Variants in COL25A1 observed in about 807,000 individuals in gnomAD.
The protein encoded by COL25A1 is collagen alpha-1(XXV) chain.
In COL25A1, 103 loss-of-function variants were observed where a neutral mutation model predicts 128.4. That is an observed-to-expected ratio of 0.80 (90% CI 0.68 to 0.94). COL25A1 has a LOEUF of 0.94. Ranked by LOEUF, COL25A1 falls within the 40% of genes least tolerant of loss-of-function variation. The pLI is 0.00. For missense variants in COL25A1, 745 were observed against 840.0 expected (o/e 0.89, Z 1.40); for synonymous variants, 279 against 277.2 (o/e 1.01, Z -0.06).
intron 8 of COL25A1, among the ~76,000 whole-genome samples, chr4:108,969,890 C>A (rs58787897): frequency 0.28 from 40,296 of 141,728 alleles, 6,813 homozygotes; most frequent in South Asian, 0.46. Flanking sequence ...GATGCTACCA[C>A]CAAATATATA....
At position 109,208,990 on chromosome 4, in the gene COL25A1, T is replaced by C. The variant is rs150983263; in HGVS notation, c.367+91593A>G. Among the ~76,000 whole-genome samples the C allele has an allele frequency of 1.7e-3, 254 of 152,346 alleles. 3 individuals are homozygous for C. The highest frequency in any genetic ancestry group is 5.6e-3 in the African/African-American group (234 of 41,582). On this transcript the variant is annotated intron_variant, in intron 3 of 37. Coordinates refer to ENST00000399132, the MANE Select transcript of COL25A1 (RefSeq NM_198721.4). ...GTAGATAATTGAATGAAATGTTTTA[T>C]TATTGTGCTTTTCATTATATTCACT...
chr4:108,990,858 C>T (rs914570888), intron 6 of COL25A1, among the ~76,000 whole-genome samples: 1 of 152,178 alleles, frequency 6.6e-6, no homozygotes, highest in Non-Finnish European at 1.5e-5. Context: ...AGTCATACAG[C>T]TCATAAGTGG....
chr4:109,052,122 A>T (rs1393344086), intron 3 of COL25A1, among the ~76,000 whole-genome samples: 1 of 152,220 alleles, frequency 6.6e-6, no homozygotes, highest in Non-Finnish European at 1.5e-5. Context: ...GTCTTTCAAC[A>T]GTGGATTTCA....
chr4:109,083,655 G>T lies in COL25A1; in HGVS notation c.368-33476C>A, dbSNP rs575807076. On this transcript the variant is annotated intron_variant, in intron 3 of 37. Coordinates refer to ENST00000399132, the MANE Select transcript of COL25A1 (RefSeq NM_198721.4). ...TTTTTTGTATTTTTAGTAGAGACGG[G>T]GTTTCACTATGTTAGCCAGGCTGGT... Among the ~76,000 whole-genome samples, 374 of 151,582 alleles carry T rather than the reference G, an allele frequency of 2.5e-3. 2 individuals carry two copies. The highest frequency in any genetic ancestry group is 3.8e-3 in the Admixed American group (58 of 15,236).
In COL25A1 at chr4:109,269,399, GC is replaced by G. The variant is rs548443298; in HGVS notation, c.367+31183del. Among the ~76,000 whole-genome samples, 14 of 146,042 alleles carry G rather than the reference GC, an allele frequency of 9.6e-5. No individual in the cohort carries two copies. In the East Asian group the frequency reaches 2.8e-3, roughly 29 times the overall value. ...ATAATGCCGCAATAAACATACGTGT[GC>G]ATGTGTCTTTATAGCAGCATGATTT... On this transcript the variant is annotated intron_variant, in intron 3 of 37. Transcript: ENST00000399132.
intron 3 of COL25A1, among the ~76,000 whole-genome samples, chr4:109,259,326 C>T (rs1332142348): frequency 6.6e-6 from 1 of 152,170 alleles, no homozygotes; most frequent in African/African-American, 2.4e-5. Flanking sequence ...GGCTTTTCAA[C>T]TTTAAAAGAA....
At chr4:108,827,329 C>A in intron 32 of COL25A1, 141 bp from the exon 33 acceptor site, 1 of 718,850 alleles carries the variant, frequency 1.4e-6, no homozygotes, top group East Asian at 2.7e-5. Flanking sequence ...AGAGTCACTG[C>A]CAGTGATATT....
intron 6 of COL25A1, among the ~76,000 whole-genome samples, chr4:108,983,361 C>T (rs1753225736): frequency 6.6e-6 from 1 of 152,158 alleles, no homozygotes; most frequent in Non-Finnish European, 1.5e-5. Context: ...CTCTTACTGT[C>T]CTCAACACGA....
intron 19 of COL25A1, among the ~76,000 whole-genome samples, chr4:108,872,824 A>G (rs1007887553): frequency 1.3e-5 from 2 of 152,142 alleles, no homozygotes; most frequent in Admixed American, 6.5e-5. Context: ...GTTATATTTC[A>G]TAAAACATAC....
chr4:109,246,016 CAAAA>C (rs772260651), intron 3 of COL25A1, among the ~76,000 whole-genome samples: 4 of 65,666 alleles, frequency 6.1e-5, no homozygotes, highest in Non-Finnish European at 1.0e-4. Flanking sequence ...TGTTAAAAAG[CAAAA>C]AAAAAAAAAA....
intron 6 of COL25A1, among the ~76,000 whole-genome samples, chr4:108,993,175 C>T (rs1334613765): frequency 6.6e-6 from 1 of 152,090 alleles, no homozygotes; most frequent in Non-Finnish European, 1.5e-5. Context: ...CAACATCATC[C>T]CACACTCCCA....
intron 3 of COL25A1, among the ~76,000 whole-genome samples, chr4:109,260,630 G>A (rs1275117740): frequency 6.6e-6 from 1 of 152,002 alleles, no homozygotes; most frequent in Non-Finnish European, 1.5e-5. Flanking sequence ...TGCGTAGCTG[G>A]GACTACAGGT....
intron 3 of COL25A1, among the ~76,000 whole-genome samples, chr4:109,274,286 A>G (rs1782398283): frequency 6.6e-6 from 1 of 152,196 alleles, no homozygotes; most frequent in Admixed American, 6.6e-5. Flanking sequence ...TCTGTGTACA[A>G]ATTACTTTCA....
intron 32 of COL25A1, among the ~76,000 whole-genome samples, chr4:108,830,118 G>A (rs1230536313): frequency 6.6e-6 from 1 of 152,160 alleles, no homozygotes; most frequent in Non-Finnish European, 1.5e-5. Context: ...AATGATTCGA[G>A]CTTGAAAACT....
At chr4:109,055,436 G>A (rs868790767) in intron 3 of COL25A1, among the ~76,000 whole-genome samples, 2 of 152,130 alleles carry the variant, frequency 1.3e-5, no homozygotes, top group South Asian at 2.1e-4. Flanking sequence ...CAACAGAGGC[G>A]AAACAACCTG....
chr4:109,007,042 A>G (rs1756086168), intron 6 of COL25A1, among the ~76,000 whole-genome samples: 1 of 152,226 alleles, frequency 6.6e-6, no homozygotes, highest in African/African-American at 2.4e-5. Context: ...CACATCCTGC[A>G]TATGTAACCC....
intron 3 of COL25A1, among the ~76,000 whole-genome samples, chr4:109,112,237 T>C (rs4956245): frequency 0.54 from 81,432 of 151,824 alleles, 23,599 homozygotes; most frequent in Non-Finnish European, 0.68. Flanking sequence ...TTAAATGGGG[T>C]GTAAGATTCC....
chr4:109,283,444 T>C (rs1314822533), intron 3 of COL25A1, among the ~76,000 whole-genome samples: 2 of 151,942 alleles, frequency 1.3e-5, no homozygotes, highest in Non-Finnish European at 2.9e-5. Flanking sequence ...CTTTTTTTTT[T>C]AAGAGAAAGG....
At chr4:109,239,420 ATATTTATTTATT>A (rs1553965401) in intron 3 of COL25A1, among the ~76,000 whole-genome samples, 8 of 124,334 alleles carry the variant, frequency 6.4e-5, no homozygotes, top group African/African-American at 2.0e-4. Context: ...ATATATATAT[ATATTTATTTATT>A]TATTTATTTA....
Sources: allele counts gnomAD v4.1 joint callset (sites outside exome capture counted in the v4.1 genomes callset), GRCh38; gene constraint gnomAD v4.1.1; transcripts MANE v1.5; gene names NCBI Gene and HGNC (gene_info 2026-07-23, HGNC 2026-07-21).